TRIP4: variants seen among roughly 807,000 people sequenced by gnomAD.
The protein encoded by TRIP4 is activating signal cointegrator 1.
TRIP4 carries 54 observed loss-of-function variants against 81.8 expected under a neutral mutation model. The observed-to-expected ratio is 0.66, with a 90% CI of 0.53 to 0.83. The LOEUF is 0.83. TRIP4 is among the 40% of genes least tolerant of loss of function. The pLI is 0.00. For synonymous variants in TRIP4, 270 were observed against 242.8 expected, an observed-to-expected ratio of 1.11 and a Z score of -1.04; for missense variants, 662 against 683.6, an observed-to-expected ratio of 0.97 and a Z score of 0.35.
chr15:64,390,377 C>T (rs1488441826), intron 1 of TRIP4, among the ~76,000 whole-genome samples: 2 of 150,158 alleles, frequency 1.3e-5, no homozygotes, highest in East Asian at 4.0e-4. Flanking sequence ...CAGGAGAATC[C>T]CTTGAACCGC....
At chr15:64,402,760 A>T (rs578080132) in intron 5 of TRIP4, among the ~76,000 whole-genome samples, 8 of 152,120 alleles carry the variant, frequency 5.3e-5, no homozygotes, top group African/African-American at 1.9e-4. Context: ...TCCTGACCTC[A>T]GATGATCTGC....
chr15:64,425,321 C>G (rs769797673), intron 10 of TRIP4, among the ~76,000 whole-genome samples: 1 of 152,106 alleles, frequency 6.6e-6, no homozygotes, highest in East Asian at 1.9e-4. Context: ...GAAAAATTTT[C>G]TAGCTTAACA....
intron 5 of TRIP4, among the ~76,000 whole-genome samples, chr15:64,404,461 C>T (rs946610217): frequency 6.6e-6 from 1 of 151,910 alleles, no homozygotes; most frequent in East Asian, 1.9e-4. Flanking sequence ...GCTGGGATTG[C>T]GGGCGCCTGC....
chr15:64,452,616 G>T (rs1284666214), intron 12 of TRIP4, among the ~76,000 whole-genome samples: 7 of 152,106 alleles, frequency 4.6e-5, no homozygotes, highest in African/African-American at 1.7e-4. Context: ...GTTAGTAAGG[G>T]CTTTTTCCTC....
At chr15:64,403,535 C>T (rs1891560223) in intron 5 of TRIP4, among the ~76,000 whole-genome samples, 1 of 152,146 alleles carries the variant, frequency 6.6e-6, no homozygotes, top group African/African-American at 2.4e-5. Context: ...TTGTTCCTAC[C>T]TTGGTTCATA....
intron 10 of TRIP4, among the ~76,000 whole-genome samples, chr15:64,424,553 T>C (rs1474177140): frequency 6.6e-6 from 1 of 152,194 alleles, no homozygotes; most frequent in East Asian, 1.9e-4. Context: ...TTGATTGATT[T>C]AAGCAACGTA....
In TRIP4 at chr15:64,421,223, A is replaced by C. The variant is rs548534214; in HGVS notation, c.1358+2495A>C. Among the ~76,000 whole-genome samples the C allele has an allele frequency of 4.8e-3, 729 of 151,224 alleles. 5 individuals carry two copies. Among genetic ancestry groups the C allele is most frequent in the Non-Finnish European group, 7.9e-3 (533 of 67,802 alleles). The stretch of plus-strand genomic sequence containing the variant: ...CTTGAACCCGGGAGGTGGAGGTTGC[A>C]GTGAGCCAAGATTGCATCATTGCAC... On this transcript the variant is annotated intron_variant, in intron 9 of 12. Coordinates refer to ENST00000261884, the MANE Select transcript of TRIP4 (RefSeq NM_016213.5).
intron 11 of TRIP4, among the ~76,000 whole-genome samples, chr15:64,432,157 T>C (rs1892293165): frequency 6.6e-6 from 1 of 151,558 alleles, no homozygotes; most frequent in East Asian, 2.0e-4. Context: ...AGTGCTGGGA[T>C]TACAGGCATG....
intron 11 of TRIP4, among the ~76,000 whole-genome samples, chr15:64,431,196 A>G (rs1289527095): frequency 6.6e-6 from 1 of 152,100 alleles, no homozygotes; most frequent in African/African-American, 2.4e-5. Flanking sequence ...AATATGTGAA[A>G]ATGTCCTGTC....
At chr15:64,395,567 TGGA>T in intron 3 of TRIP4, 36 bp downstream of exon 3, 2 of 1,583,852 alleles carry the variant, frequency 1.3e-6, no homozygotes, top group African/African-American at 1.4e-5. Flanking sequence ...TTCTGACTAT[TGGA>T]GAAGAGGAAG....
chr15:64,432,920 T>A (rs886826419), intron 11 of TRIP4, among the ~76,000 whole-genome samples: 12 of 148,224 alleles, frequency 8.1e-5, no homozygotes, highest in East Asian at 1.9e-4. Flanking sequence ...CAAAAATAAA[T>A]AAAAATAAAT....
chr15:64,415,817 A>C lies in TRIP4; in HGVS notation c.1170+1606A>C, dbSNP rs144781940. 4.2e-3 allele frequency among the ~76,000 whole-genome samples: 644 copies of C among 152,346 alleles called. 9 individuals are homozygous for C. Among genetic ancestry groups the C allele is most frequent in the African/African-American group, 0.015 (612 of 41,580 alleles). ...ACAGTAAGCAACACCTGATCATGAA[A>C]GATTTTTTGTCTTATGCTAATGAGT... is the stretch of plus-strand genomic sequence containing the variant. On this transcript the variant is annotated intron_variant, in intron 8 of 12. Transcript: ENST00000261884.
At chr15:64,442,945 C>G (rs1192085422) in intron 11 of TRIP4, among the ~76,000 whole-genome samples, 2 of 150,094 alleles carry the variant, frequency 1.3e-5, no homozygotes, top group East Asian at 3.9e-4. Context: ...GAGCCGAGAT[C>G]ACGCCATTGC....
intron 11 of TRIP4, among the ~76,000 whole-genome samples, chr15:64,441,113 C>T (rs920178259): frequency 6.6e-6 from 1 of 152,032 alleles, no homozygotes; most frequent in African/African-American, 2.4e-5. Flanking sequence ...TCTCCTGCCT[C>T]AGCCTCCGGC....
At chr15:64,411,984 A>T (rs1445871284) in intron 7 of TRIP4, among the ~76,000 whole-genome samples, 1 of 152,170 alleles carries the variant, frequency 6.6e-6, no homozygotes, top group African/African-American at 2.4e-5. Flanking sequence ...CCGGCACTAA[A>T]TTGTGCATAC....
intron 5 of TRIP4, among the ~76,000 whole-genome samples, chr15:64,404,138 C>T (rs1337517399): frequency 1.3e-5 from 2 of 151,458 alleles, no homozygotes. Flanking sequence ...TGCAGTGAGC[C>T]GAGATTGCAC....
intron 11 of TRIP4, among the ~76,000 whole-genome samples, chr15:64,436,334 C>T (rs958376401): frequency 2.6e-5 from 4 of 151,710 alleles, no homozygotes; most frequent in Non-Finnish European, 4.4e-5. Context: ...TGGCTTACGC[C>T]TGTAATTCCA....
At chr15:64,423,461 C>CAAAAAAA (rs58166289) in intron 9 of TRIP4, among the ~76,000 whole-genome samples, 1 of 71,118 alleles carries the variant, frequency 1.4e-5, no homozygotes, top group Admixed American at 2.3e-4. Flanking sequence ...GACTCCGTCT[C>CAAAAAAA]AAAAAAAAAA....
At chr15:64,396,275 T>C (rs1900291305) in intron 3 of TRIP4, among the ~76,000 whole-genome samples, 1 of 20,132 alleles carries the variant, frequency 5.0e-5, no homozygotes, top group Non-Finnish European at 3.2e-4. Flanking sequence ...GCTTTTTTTT[T>C]TTTTTTTTTT....
Sources: gnomAD v4.1 joint callset for allele counts (sites outside exome capture counted in the v4.1 genomes callset) on GRCh38, gnomAD v4.1.1 for gene constraint, MANE v1.5 for transcripts, NCBI Gene and HGNC (gene_info 2026-07-23, HGNC 2026-07-21) for gene names.